MSRB2: variants seen among roughly 807,000 people sequenced by gnomAD.
MSRB2 encodes the protein methionine sulfoxide reductase B2, also known as methionine-R-sulfoxide reductase B2, mitochondrial.
A neutral mutation model predicts 19.0 loss-of-function variants in MSRB2; 17 were observed. The ratio of observed to expected loss-of-function variants is 0.89; its 90% CI spans 0.61 to 1.34. The LOEUF is 1.34. Among genes scored for constraint, MSRB2 ranks in the 40% most tolerant of loss-of-function variants. MSRB2 has a pLI of 0.00. For missense variants in MSRB2, 208 were observed against 237.6 expected (o/e 0.88, Z 0.82); for synonymous variants, 107 against 99.7 (o/e 1.07, Z -0.44).
chr10:23,102,862 A>T (rs1260852966), intron 1 of MSRB2, among the ~76,000 whole-genome samples: 1 of 152,188 alleles, frequency 6.6e-6, no homozygotes, highest in Non-Finnish European at 1.5e-5. Flanking sequence ...AGTAATTATC[A>T]CATAAATACA....
chr10:23,115,975 T>C (rs934833538), intron 3 of MSRB2, among the ~76,000 whole-genome samples: 1 of 152,184 alleles, frequency 6.6e-6, no homozygotes, highest in South Asian at 2.1e-4. Flanking sequence ...TGTTTTTCCC[T>C]GAGCAGAGTG....
chr10:23,109,890 G>A lies in MSRB2; in HGVS notation c.220-352G>A, dbSNP rs111953445. Among the ~76,000 whole-genome samples the A allele has an allele frequency of 1.2e-3, 187 of 152,326 alleles. 4 individuals are homozygous for A. Among genetic ancestry groups the A allele is most frequent in the African/African-American group, 4.3e-3 (177 of 41,570 alleles). ...TTAGACAGTGGACTAGATTCCTGTT[G>A]TATTAACTCTTTTAAAAGGGAGACC... On this transcript the variant is annotated intron_variant, in intron 2 of 4. Transcript: ENST00000376510.
At chr10:23,108,173 G>A (rs1240664600) in intron 2 of MSRB2, among the ~76,000 whole-genome samples, 1 of 152,102 alleles carries the variant, frequency 6.6e-6, no homozygotes, top group Non-Finnish European at 1.5e-5. Context: ...GGCCAGGCTG[G>A]TCTTGAATTC....
chr10:23,111,141 G>A (rs1343901139), intron 3 of MSRB2, among the ~76,000 whole-genome samples: 2 of 152,172 alleles, frequency 1.3e-5, no homozygotes, highest in Non-Finnish European at 2.9e-5. Flanking sequence ...CTGCTAATGT[G>A]GGCTGCCTTA....
At chr10:23,096,352 C>CTCTGTGTGTGTGTGTGTGTG (rs144653384) in intron 1 of MSRB2, among the ~76,000 whole-genome samples, 128 of 142,828 alleles carry the variant, frequency 9.0e-4, no homozygotes, top group African/African-American at 3.1e-3. Context: ...CTCTCTCTCT[C>CTCTGTGTGTGTGTGTGTGTG]TGTGTGTGTG....
intron 4 of MSRB2, among the ~76,000 whole-genome samples, chr10:23,120,386 A>G (rs771950012): frequency 2.0e-5 from 3 of 152,242 alleles, no homozygotes; most frequent in Non-Finnish European, 2.9e-5. Flanking sequence ...AATAATAATA[A>G]TACACTGGGT....
chr10:23,113,807 G>A (rs935646369), intron 3 of MSRB2, among the ~76,000 whole-genome samples: 2 of 152,122 alleles, frequency 1.3e-5, no homozygotes, highest in Admixed American at 6.6e-5. Context: ...GCTACAAACC[G>A]AAGACTGCCT....
intron 1 of MSRB2, among the ~76,000 whole-genome samples, chr10:23,096,502 G>A (rs547747623): frequency 6.6e-6 from 1 of 152,212 alleles, no homozygotes; most frequent in African/African-American, 2.4e-5. Flanking sequence ...GGGTAACTTA[G>A]TGCCCCAGGG....
At chr10:23,102,680 T>C (rs997205864) in intron 1 of MSRB2, among the ~76,000 whole-genome samples, 1 of 152,182 alleles carries the variant, frequency 6.6e-6, no homozygotes. Context: ...TTAATAAACT[T>C]TGGGGTTGTA....
chr10:23,120,792 G>C lies in MSRB2; in HGVS notation c.479G>C (p.Gly160Ala), dbSNP rs754112541. 6.2e-6 allele frequency: 10 copies of C among 1,613,986 alleles called. No individual in the cohort carries two copies. Among genetic ancestry groups the C allele is most frequent in the Admixed American group, 3.3e-5 (2 of 59,990 alleles). The change falls in exon 5 of 5, where the codon GGA becomes GCA. Residue 160 changes from glycine to alanine, a missense_variant. Coordinates refer to ENST00000376510, the MANE Select transcript of MSRB2 (RefSeq NM_012228.4). ...EAHLGHVFPD[G>A]PGPNGQRFCI... ...CATCTAGGTCACGTGTTTCCTGATG[G>C]ACCTGGGCCCAATGGTCAGAGGTTT...
chr10:23,119,547 G>C (rs1564432343), intron 4 of MSRB2, 96 bp downstream of exon 4: 5 of 1,417,454 alleles, frequency 3.5e-6, no homozygotes, highest in Non-Finnish European at 4.8e-6. Flanking sequence ...CTTTTATAGG[G>C]GTACTTTCTT....
At chr10:23,100,523 A>G (rs1738348390) in intron 1 of MSRB2, among the ~76,000 whole-genome samples, 1 of 152,232 alleles carries the variant, frequency 6.6e-6, no homozygotes, top group Admixed American at 6.5e-5. Flanking sequence ...CTGTACAGGA[A>G]GCATGGCTGG....
chr10:23,111,418 G>C (rs1025033716), intron 3 of MSRB2, among the ~76,000 whole-genome samples: 4 of 152,190 alleles, frequency 2.6e-5, no homozygotes, highest in African/African-American at 9.6e-5. Context: ...CGTGTCAAGG[G>C]CTCCCTTGTT....
intron 3 of MSRB2, 137 bp from the exon 4 acceptor site, chr10:23,119,167 G>A (rs1840151976): frequency 5.4e-6 from 6 of 1,106,170 alleles, no homozygotes; most frequent in Non-Finnish European, 8.1e-6. Flanking sequence ...GGGACTGACT[G>A]TCGAATAACT....
intron 3 of MSRB2, among the ~76,000 whole-genome samples, chr10:23,113,198 T>C (rs1449066055): frequency 1.3e-5 from 2 of 152,202 alleles, no homozygotes; most frequent in Non-Finnish European, 2.9e-5. Flanking sequence ...TAAGTAGTTC[T>C]TTTAACAAGT....
chr10:23,119,516 G>C, intron 4 of MSRB2, 65 bp downstream of exon 4: 1 of 1,559,042 alleles, frequency 6.4e-7, no homozygotes, highest in East Asian at 2.3e-5. Flanking sequence ...GAGCTCTCTT[G>C]TTCTTGGCAA....
intron 3 of MSRB2, 76 bp from the exon 4 acceptor site, chr10:23,119,228 C>T (rs557290105): frequency 1.9e-6 from 3 of 1,558,120 alleles, no homozygotes; most frequent in South Asian, 2.2e-5. Flanking sequence ...CTGCCTGGAA[C>T]AACACATCGG....
At chr10:23,117,179 T>G (rs896680259) in intron 3 of MSRB2, among the ~76,000 whole-genome samples, 1 of 152,164 alleles carries the variant, frequency 6.6e-6, no homozygotes, top group African/African-American at 2.4e-5. Flanking sequence ...GTGATACAGA[T>G]GTAACAGACA....
rs769488096 is a variant in MSRB2, at chr10:23,120,827, A to G, written c.514A>G (p.Ser172Gly). The G allele has an allele frequency of 2.5e-6, 4 of 1,614,158 alleles. No homozygotes were observed. The highest frequency in any genetic ancestry group is 3.4e-6 in the Non-Finnish European group (4 of 1,180,030). The change falls in exon 5 of 5, where the codon AGT becomes GGT. Residue 172 changes from serine to glycine, a missense_variant. Coordinates refer to ENST00000376510, the MANE Select transcript of MSRB2 (RefSeq NM_012228.4). Reference protein sequence around the residue: ...GPNGQRFCINSVALKFKPRKH With the variant: ...GPNGQRFCINGVALKFKPRKH Reference sequence around the variant, plus strand: ...CAATGGTCAGAGGTTTTGCATCAACAGTGTGGCTTTGAAGTTCAAACCAAG... The same window carrying G: ...CAATGGTCAGAGGTTTTGCATCAACGGTGTGGCTTTGAAGTTCAAACCAAG...
Sources: allele counts gnomAD v4.1 joint callset (sites outside exome capture counted in the v4.1 genomes callset), GRCh38; gene constraint gnomAD v4.1.1; transcripts MANE v1.5; gene names NCBI Gene and HGNC (gene_info 2026-07-23, HGNC 2026-07-21).